The following CLVS1 variants were observed in gnomAD, a reference collection of about 807,000 sequenced individuals.
CLVS1 encodes the protein clavesin 1, also known as clavesin-1.
A neutral mutation model predicts 33.1 loss-of-function variants in CLVS1; 10 were observed. That is an observed-to-expected ratio of 0.30 (90% CI 0.19 to 0.51). The LOEUF (loss-of-function observed/expected upper bound fraction) is 0.51, where lower values mean the gene tolerates loss of function less well. Among genes scored for constraint, CLVS1 ranks in the 20% least tolerant of loss-of-function variants. The probability of loss-of-function intolerance (pLI) is 0.97; values close to 1 mark genes in which losing one functional copy is unlikely to be tolerated. For missense variants in CLVS1, 343 were observed against 433.4 expected, an observed-to-expected ratio of 0.79 and a Z score of 1.85; for synonymous variants, 163 against 166.1, an observed-to-expected ratio of 0.98 and a Z score of 0.14.
intron 2 of CLVS1, among the ~76,000 whole-genome samples, chr8:61,170,454 A>G (rs938776803): frequency 3.3e-5 from 5 of 152,232 alleles, no homozygotes; most frequent in Admixed American, 6.5e-5. Flanking sequence ...ATTGTAAGCC[A>G]GTAACAATGA....
intron 5 of CLVS1, among the ~76,000 whole-genome samples, chr8:61,466,484 G>A (rs1817550065): frequency 6.6e-6 from 1 of 152,148 alleles, no homozygotes; most frequent in Non-Finnish European, 1.5e-5. Context: ...GGCTTATTCA[G>A]GGGTGTAGGC....
At chr8:61,158,982 A>T (rs1306034824) in intron 2 of CLVS1, among the ~76,000 whole-genome samples, 1 of 152,270 alleles carries the variant, frequency 6.6e-6, no homozygotes, top group African/African-American at 2.4e-5. Context: ...ATGGGCCACC[A>T]TGCTCTGCTA....
chr8:61,185,374 C>T (rs1406718002), intron 2 of CLVS1, among the ~76,000 whole-genome samples: 1 of 147,508 alleles, frequency 6.8e-6, no homozygotes, highest in Non-Finnish European at 1.5e-5. Context: ...GGCTGGTCTT[C>T]AACTCCTGGC....
rs114807973 is a variant in CLVS1 at position 61,220,427 on chromosome 8, A to G, written c.-151-79250A>G. ...TTACTGAATAGGAGATTCTTTTCCA[A>G]TGGCTTGTTTTTGTTAGGATTGTTG... On this transcript the variant is annotated intron_variant, in intron 2 of 2. Transcript: ENST00000522621. Among the ~76,000 whole-genome samples the G allele has an allele frequency of 5.1e-3, 774 of 152,202 alleles. 11 individuals are homozygous for G. Among genetic ancestry groups the G allele is most frequent in the African/African-American group, 0.018 (738 of 41,534 alleles).
chr8:61,057,822 T>C (rs1804506587), intron 1 of CLVS1, among the ~76,000 whole-genome samples: 1 of 152,228 alleles, frequency 6.6e-6, no homozygotes, highest in South Asian at 2.1e-4. Flanking sequence ...TCTTTTATGA[T>C]GCCTTTATAT....
intron 3 of CLVS1, among the ~76,000 whole-genome samples, chr8:61,425,016 C>G (rs903778979): frequency 1.3e-5 from 2 of 152,084 alleles, no homozygotes; most frequent in African/African-American, 4.8e-5. Context: ...AATGCTGAAC[C>G]AGTATGTAAT....
the CLVS1 span, among the ~76,000 whole-genome samples, chr8:61,011,344 T>C: frequency 2.6e-5 from 4 of 152,196 alleles, no homozygotes; most frequent in Non-Finnish European, 5.9e-5. Flanking sequence ...CTTCTCTAAT[T>C]TAGAAAACAC....
intron 2 of CLVS1, among the ~76,000 whole-genome samples, chr8:61,241,990 A>G (rs760534225): frequency 8.7e-5 from 13 of 149,264 alleles, no homozygotes; most frequent in Non-Finnish European, 1.8e-4. Flanking sequence ...TGTGGTCTCT[A>G]TTTTTTCTAA....
At chr8:61,152,039 A>G (rs1055826731) in intron 2 of CLVS1, among the ~76,000 whole-genome samples, 1 of 151,712 alleles carries the variant, frequency 6.6e-6, no homozygotes, top group African/African-American at 2.4e-5. Flanking sequence ...TTCTTCTTCT[A>G]TTGGCTGGTG....
chr8:61,173,072 A>C (rs1263921350), intron 2 of CLVS1, among the ~76,000 whole-genome samples: 3 of 152,098 alleles, frequency 2.0e-5, no homozygotes, highest in Non-Finnish European at 4.4e-5. Context: ...TCATGTGTCA[A>C]GTGCGCATTC....
At chr8:61,063,307 G>GAGAA (rs1804619040) in intron 1 of CLVS1, among the ~76,000 whole-genome samples, 1 of 147,110 alleles carries the variant, frequency 6.8e-6, no homozygotes, top group Non-Finnish European at 1.5e-5. Context: ...GAGAGAGAGA[G>GAGAA]AGAACAGTCA....
At chr8:61,385,580 A>G (rs1383373411) in intron 3 of CLVS1, among the ~76,000 whole-genome samples, 1 of 152,256 alleles carries the variant, frequency 6.6e-6, no homozygotes, top group Non-Finnish European at 1.5e-5. Context: ...GAGGGCATTT[A>G]CATAACAGGA....
intron 2 of CLVS1, among the ~76,000 whole-genome samples, chr8:61,272,889 ATTC>A (rs1809476524): frequency 6.6e-6 from 1 of 151,610 alleles, no homozygotes. Flanking sequence ...CTAGTTATAC[ATTC>A]TTCTAAATTT....
intron 2 of CLVS1, among the ~76,000 whole-genome samples, chr8:61,247,043 G>T (rs1340715666): frequency 6.6e-6 from 1 of 152,128 alleles, no homozygotes; most frequent in Non-Finnish European, 1.5e-5. Context: ...CCACTTATAA[G>T]TGAGAACATG....
At chr8:61,124,591 C>A (rs952711950) in intron 1 of CLVS1, among the ~76,000 whole-genome samples, 1 of 152,094 alleles carries the variant, frequency 6.6e-6, no homozygotes, top group East Asian at 1.9e-4. Context: ...TCCTTCAGAC[C>A]CTTTAATGAA....
At chr8:61,224,874 G>T (rs1044947703) in intron 2 of CLVS1, among the ~76,000 whole-genome samples, 1 of 152,122 alleles carries the variant, frequency 6.6e-6, no homozygotes, top group Non-Finnish European at 1.5e-5. Flanking sequence ...CTACAAAGAG[G>T]CTCAGACTCT....
At chr8:61,319,779 G>A (rs1376254473) in intron 2 of CLVS1, among the ~76,000 whole-genome samples, 1 of 152,116 alleles carries the variant, frequency 6.6e-6, no homozygotes, top group East Asian at 1.9e-4. Context: ...CCTTAAGCAG[G>A]ATTTCTAATA....
chr8:61,494,680 C>T (rs898565828), intron 5 of CLVS1, among the ~76,000 whole-genome samples: 9 of 152,120 alleles, frequency 5.9e-5, no homozygotes, highest in South Asian at 2.1e-4. Context: ...GTTGATTGGT[C>T]TTCCCTGAGA....
In CLVS1 at chr8:61,088,175, C is replaced by T. The variant is rs1247190780; in HGVS notation, c.-243+30945C>T. 2.0e-5 allele frequency among the ~76,000 whole-genome samples: 3 copies of T among 152,152 alleles called. No individual in the cohort carries two copies. The South Asian group carries it at 6.2e-4, about 32-fold the overall frequency. Reference sequence around the variant, plus strand: ...GTTTGTTATCTACTGCTGTATAGTGCCCCACTGTGTGAATAATGTAGCAAT... The same window carrying T: ...GTTTGTTATCTACTGCTGTATAGTGTCCCACTGTGTGAATAATGTAGCAAT... On this transcript the variant is annotated intron_variant, in intron 1 of 2. Transcript: ENST00000522621.
Sources: gnomAD v4.1 joint callset for allele counts (sites outside exome capture counted in the v4.1 genomes callset) on GRCh38, gnomAD v4.1.1 for gene constraint, MANE v1.5 for transcripts, NCBI Gene and HGNC (gene_info 2026-07-23, HGNC 2026-07-21) for gene names.